TNIK: variants seen among roughly 807,000 people sequenced by gnomAD.
TNIK encodes the protein TRAF2 and NCK interacting kinase.
In TNIK, 49 loss-of-function variants were observed where a neutral mutation model predicts 191.3. The observed-to-expected ratio is 0.26, with a 90% CI of 0.20 to 0.32. TNIK has a LOEUF of 0.32. TNIK is among the 10% of genes least tolerant of loss of function. TNIK has a pLI of 1.00. For missense variants in TNIK, 1,155 were observed against 1,702.3 expected (o/e 0.68, Z 5.66); for synonymous variants, 594 against 600.9 (o/e 0.99, Z 0.17).
intron 4 of TNIK, among the ~76,000 whole-genome samples, chr3:171,204,337 C>T (rs1356775117): frequency 1.3e-5 from 2 of 152,140 alleles, no homozygotes; most frequent in South Asian, 2.1e-4. Context: ...TGATAGGATT[C>T]GTACAGATTA....
intron 1 of TNIK, among the ~76,000 whole-genome samples, chr3:171,423,836 G>C (rs562956312): frequency 6.6e-6 from 1 of 152,288 alleles, no homozygotes; most frequent in African/African-American, 2.4e-5. Flanking sequence ...ATTAATTCAA[G>C]ATGGATTAAA....
At chr3:171,327,730 C>T (rs1420527147) in intron 2 of TNIK, among the ~76,000 whole-genome samples, 1 of 151,792 alleles carries the variant, frequency 6.6e-6, no homozygotes, top group African/African-American at 2.4e-5. Context: ...TAATGTGTTA[C>T]CGCAGCATAG....
chr3:171,188,150 A>G (rs574923878), intron 7 of TNIK, among the ~76,000 whole-genome samples: 1 of 152,384 alleles, frequency 6.6e-6, no homozygotes, highest in African/African-American at 2.4e-5. Context: ...TATAATATAA[A>G]GTAACAAGTC....
At chr3:171,455,476 A>G (rs917614713) in intron 1 of TNIK, among the ~76,000 whole-genome samples, 18 of 135,950 alleles carry the variant, frequency 1.3e-4, no homozygotes, top group Admixed American at 1.2e-3. Flanking sequence ...CCTGGTTTCA[A>G]GCAGTCCTCC....
chr3:171,319,375 G>A (rs529057311), intron 2 of TNIK, among the ~76,000 whole-genome samples: 9 of 152,096 alleles, frequency 5.9e-5, no homozygotes, highest in Non-Finnish European at 1.2e-4. Flanking sequence ...AAGGAATTTA[G>A]CATGAAGACA....
intron 4 of TNIK, among the ~76,000 whole-genome samples, chr3:171,200,965 A>C (rs1739327370): frequency 6.6e-6 from 1 of 152,212 alleles, no homozygotes; most frequent in Non-Finnish European, 1.5e-5. Context: ...CCACAAGAAT[A>C]AATGACTACT....
At chr3:171,449,447 A>G (rs1727914926) in intron 1 of TNIK, among the ~76,000 whole-genome samples, 1 of 152,228 alleles carries the variant, frequency 6.6e-6, no homozygotes, top group Non-Finnish European at 1.5e-5. Flanking sequence ...TTAAGTTTAA[A>G]TTCCCCATGA....
intron 2 of TNIK, among the ~76,000 whole-genome samples, chr3:171,270,255 C>T (rs1218301268): frequency 2.0e-5 from 3 of 152,170 alleles, no homozygotes; most frequent in East Asian, 3.9e-4. Flanking sequence ...AGAATACCCC[C>T]GTAGTATCAA....
chr3:171,240,506 T>A (rs570031083), intron 2 of TNIK, among the ~76,000 whole-genome samples: 2 of 151,570 alleles, frequency 1.3e-5, no homozygotes, highest in South Asian at 4.2e-4. Context: ...GTTATCACAG[T>A]GCTTTTAGTG....
chr3:171,157,498 T>C lies in TNIK; in HGVS notation c.1183A>G (p.Ile395Val), dbSNP rs1414631345. Reference sequence around the variant, plus strand: ...CGCCTCTGCTCTTTCTGCTCCTCGATGCGCTTCTGACGCTCGGCCAGCAGC... The same window carrying C: ...CGCCTCTGCTCTTTCTGCTCCTCGACGCGCTTCTGACGCTCGGCCAGCAGC... ...RQLLAERQKR[I>V]EEQKEQRRRL... Residue 395 changes from isoleucine to valine, a missense_variant, in exon 12 of 33, where the codon ATC (isoleucine) becomes GTC (valine). Ile to Val is a conservative substitution (Grantham distance 29, BLOSUM62 3). This residue lies in a region of TNIK where 735 missense variants were observed against 848.0 expected (regional missense o/e 0.87). Transcript: ENST00000436636. The C allele has an allele frequency of 1.9e-6, 3 of 1,575,380 alleles. No homozygotes were observed. Among genetic ancestry groups the C allele is most frequent in the Admixed American group, 1.8e-5 (1 of 54,500 alleles).
chr3:171,290,615 C>T (rs1472843007), intron 2 of TNIK, among the ~76,000 whole-genome samples: 4 of 152,088 alleles, frequency 2.6e-5, no homozygotes, highest in Admixed American at 2.6e-4. Context: ...TACTTTTAAG[C>T]CTCCCACAGT....
rs537499607 is a variant in TNIK at position 171,460,033 on chromosome 3, C to T, written c.31G>A (p.Asp11Asn). 5.0e-6 allele frequency: 8 copies of T among 1,608,920 alleles called. No individual in the cohort carries two copies. The African/African-American group carries it at 8.0e-5, about 16-fold the overall frequency. The change falls in exon 1 of 33, where the codon GAT becomes AAT. Residue 11 changes from aspartate (D) to asparagine (N), a missense_variant. Physicochemically the swap from Asp to Asn is conservative, Grantham distance 23. Transcript: ENST00000436636. This position sits in a 1 kb window ranked among gnomAD's most constrained non-coding sequence, Gnocchi z 6.8. The stretch of plus-strand genomic sequence containing the variant: ...CTCAGAGCCGAGAGATCTATTTCAT[C>T]CAGGCTTCGAGCCGGGGAGTCGCTC... The part of the protein sequence containing the change: MASDSPARSL[D>N]EIDLSALRDP...
At chr3:171,434,512 C>T (rs919076633) in intron 1 of TNIK, among the ~76,000 whole-genome samples, 1 of 151,920 alleles carries the variant, frequency 6.6e-6, no homozygotes, top group Non-Finnish European at 1.5e-5. Flanking sequence ...GGCTGGAATA[C>T]AGTGGTACCA....
intron 4 of TNIK, among the ~76,000 whole-genome samples, chr3:171,202,075 C>G (rs1437613851): frequency 6.6e-6 from 1 of 152,160 alleles, no homozygotes; most frequent in African/African-American, 2.4e-5. Flanking sequence ...CTCAAGTCGC[C>G]TATGTCTCAA....
intron 2 of TNIK, among the ~76,000 whole-genome samples, chr3:171,277,758 A>G (rs1015141874): frequency 6.6e-6 from 1 of 152,208 alleles, no homozygotes; most frequent in Non-Finnish European, 1.5e-5. Context: ...AGACCTACAG[A>G]CTGCAAAACC....
chr3:171,139,655 A>G, intron 13 of TNIK, 99 bp from the exon 14 acceptor site: 1 of 1,185,348 alleles, frequency 8.4e-7, no homozygotes, highest in Non-Finnish European at 1.2e-6. Flanking sequence ...TAAAGTGTAG[A>G]AGGAAGGAGG....
At chr3:171,067,166 G>C (rs1718540811) in intron 30 of TNIK, among the ~76,000 whole-genome samples, 2 of 152,124 alleles carry the variant, frequency 1.3e-5, no homozygotes, top group East Asian at 1.9e-4. Context: ...AAATTAATGT[G>C]TTTTCTATTA....
intron 13 of TNIK, 150 bp from the exon 14 acceptor site, chr3:171,139,706 A>G: frequency 1.5e-6 from 1 of 681,068 alleles, no homozygotes. Flanking sequence ...CAGGAAGAGT[A>G]TGTCACATGG....
chr3:171,107,698 T>G (rs577408909), intron 20 of TNIK, among the ~76,000 whole-genome samples: 1 of 152,248 alleles, frequency 6.6e-6, no homozygotes, highest in Admixed American at 6.5e-5. Flanking sequence ...GAAAATAATA[T>G]GGGGAAAGAG....
Sources: allele counts gnomAD v4.1 joint callset (sites outside exome capture counted in the v4.1 genomes callset), GRCh38; gene constraint gnomAD v4.1.1; regional missense constraint gnomAD v4.1.1; non-coding constraint Gnocchi (gnomAD v3.1); transcripts MANE v1.5; gene names NCBI Gene and HGNC (gene_info 2026-07-23, HGNC 2026-07-21).